SAMD5: variants seen among roughly 807,000 people sequenced by gnomAD.
SAMD5 encodes the protein sterile alpha motif domain-containing protein 5.
SAMD5 carries 13 observed loss-of-function variants against 11.3 expected under a neutral mutation model. The ratio of observed to expected loss-of-function variants is 1.15; its 90% CI spans 0.75 to 1.83. The LOEUF is 1.83. Among genes scored for constraint, SAMD5 ranks in the 40% most tolerant of loss-of-function variants. The pLI, the probability that SAMD5 is intolerant of heterozygous loss-of-function variation, is 0.00. For missense variants in SAMD5, 255 were observed against 239.1 expected (o/e 1.07, Z -0.44); for synonymous variants, 129 against 111.3 (o/e 1.16, Z -1.00).
the SAMD5 span, among the ~76,000 whole-genome samples, chr6:147,807,627 A>T: frequency 1.3e-5 from 2 of 152,182 alleles, no homozygotes; most frequent in Non-Finnish European, 2.9e-5. Flanking sequence ...CCCCACCCTC[A>T]TACTAAACAT....
the SAMD5 span, among the ~76,000 whole-genome samples, chr6:147,830,399 G>C: frequency 1.3e-5 from 2 of 151,560 alleles, no homozygotes; most frequent in Non-Finnish European, 2.9e-5. Context: ...TGGGATTACA[G>C]GTATGTACCA....
At chr6:147,899,359 T>A in the SAMD5 span, among the ~76,000 whole-genome samples, 1 of 151,962 alleles carries the variant, frequency 6.6e-6, no homozygotes, top group African/African-American at 2.4e-5. Flanking sequence ...GAGAAGATAA[T>A]TGTCAAGGTC....
intron 1 of SAMD5, chr6:147,733,658 C>T (rs1791752278): frequency 4.9e-6 from 1 of 205,826 alleles, no homozygotes; most frequent in African/African-American, 2.4e-5. Flanking sequence ...ACTTTATTCT[C>T]TCCTCCCTTA....
chr6:147,697,266 A>C (rs910128247), intron 1 of SAMD5, among the ~76,000 whole-genome samples: 1 of 152,206 alleles, frequency 6.6e-6, no homozygotes, highest in Non-Finnish European at 1.5e-5. Flanking sequence ...AAATCCATCT[A>C]GATTCATGGA....
intron 1 of SAMD5, among the ~76,000 whole-genome samples, chr6:147,660,303 A>G (rs1357626): frequency 0.4 from 60,408 of 152,032 alleles, 13,923 homozygotes; most frequent in Middle Eastern, 0.54. Context: ...TCTGTATGGT[A>G]ATGGCTTGTA....
At chr6:147,896,738 C>CAAAAAAAAAAAAAAAAAAAAAAAAACA in the SAMD5 span, among the ~76,000 whole-genome samples, 1 of 55,322 alleles carries the variant, frequency 1.8e-5, no homozygotes, top group Admixed American at 1.8e-4. Flanking sequence ...GAACATTAAC[C>CAAAAAAAAAAAAAAAAAAAAAAAAACA]AAAAAAAAAA....
chr6:147,936,307 G>A, the SAMD5 span, among the ~76,000 whole-genome samples: 5 of 152,038 alleles, frequency 3.3e-5, no homozygotes, highest in East Asian at 1.9e-4. Flanking sequence ...TAATTGGCTC[G>A]TGGTGGTTCT....
chr6:147,939,533 G>A, the SAMD5 span, among the ~76,000 whole-genome samples: 8 of 152,190 alleles, frequency 5.3e-5, no homozygotes, highest in African/African-American at 1.9e-4. Context: ...TTAGGAAGCT[G>A]TATGCCAGAA....
At chr6:147,523,286 A>G (rs1475903208) in intron 1 of SAMD5, among the ~76,000 whole-genome samples, 2 of 152,256 alleles carry the variant, frequency 1.3e-5, no homozygotes, top group African/African-American at 2.4e-5. Context: ...AAATTCTACA[A>G]GAAATATTAC....
At chr6:147,667,119 A>G (rs1024314051) in intron 1 of SAMD5, among the ~76,000 whole-genome samples, 30 of 152,152 alleles carry the variant, frequency 2.0e-4, no homozygotes, top group African/African-American at 7.2e-4. Flanking sequence ...GCCTGGTATG[A>G]AAGTGGTTGC....
At chr6:147,849,158 A>AT in the SAMD5 span, among the ~76,000 whole-genome samples, 52,802 of 140,574 alleles carry the variant, frequency 0.38, 10,391 homozygotes, top group South Asian at 0.46. Flanking sequence ...CTATATGTGA[A>AT]TTTTTTTTTT....
the SAMD5 span, among the ~76,000 whole-genome samples, chr6:147,871,289 T>C: frequency 6.6e-6 from 1 of 152,160 alleles, no homozygotes; most frequent in Non-Finnish European, 1.5e-5. Context: ...GAGTTACATA[T>C]GACAAATTTT....
At chr6:147,719,022 T>C (rs1166689532) in intron 1 of SAMD5, among the ~76,000 whole-genome samples, 2 of 152,178 alleles carry the variant, frequency 1.3e-5, no homozygotes, top group Non-Finnish European at 2.9e-5. Flanking sequence ...TAAATTCTCT[T>C]GTGGAAACAA....
chr6:147,697,298 A>G (rs1325365880), intron 1 of SAMD5, among the ~76,000 whole-genome samples: 1 of 152,180 alleles, frequency 6.6e-6, no homozygotes, highest in Non-Finnish European at 1.5e-5. Flanking sequence ...ACCTAAATAC[A>G]TGGAGAATTT....
chr6:147,893,671 A>G, the SAMD5 span, among the ~76,000 whole-genome samples: 1 of 152,140 alleles, frequency 6.6e-6, no homozygotes, highest in South Asian at 2.1e-4. Context: ...CCTGTTCTGT[A>G]CTGATACTTT....
intron 1 of SAMD5, among the ~76,000 whole-genome samples, chr6:147,616,411 C>A (rs898287293): frequency 6.6e-6 from 1 of 151,492 alleles, no homozygotes; most frequent in South Asian, 2.1e-4. Flanking sequence ...TGTTCCCCTC[C>A]CTCCCTCTTT....
Position 147,569,211 on chromosome 6 carries a change from ACT to A in SAMD5, c.*4758_*4759del, listed in dbSNP as rs1789094514. On this transcript the variant is annotated 3_prime_UTR_variant, in exon 2 of 2. Coordinates refer to ENST00000367474, the MANE Select transcript of SAMD5 (RefSeq NM_001030060.3). ...GCTCCAGCCTGGGCAACAGAGTGAG[ACT>A]CTGTCTAAAAAAAAAAAAAAAAGAA... is the stretch of plus-strand genomic sequence containing the variant. 1 of 271,362 alleles carries A rather than the reference ACT, an allele frequency of 3.7e-6. No individual in the cohort carries two copies. The allele number at this position is 271,362 out of a possible 1,614,324, so 16.8% of individuals were successfully genotyped here. A position where few individuals can be genotyped will look rare whatever the true frequency, so the allele number is the denominator to read the frequency against.
Position 147,585,338 on chromosome 6 carries a change from G to A in SAMD5, c.162+75951G>A, listed in dbSNP as rs572772222. 8.5e-5 allele frequency among the ~76,000 whole-genome samples: 13 copies of A among 152,226 alleles called. No homozygotes were observed. The East Asian group carries it at 2.1e-3, about 25-fold the overall frequency. On this transcript the variant is annotated intron_variant, in intron 1 of 1. Coordinates refer to the SAMD5 transcript ENST00000566741. ...AATGGAGACAGGAAAGGATGAGGCC[G>A]GTGACATTACAGCATGAGCCCCTGC...
chr6:147,901,885 T>A, the SAMD5 span, among the ~76,000 whole-genome samples: 2 of 152,210 alleles, frequency 1.3e-5, no homozygotes, highest in African/African-American at 4.8e-5. Context: ...TCCACTTCCT[T>A]AGTTTCCACC....
Sources: allele counts gnomAD v4.1 joint callset (sites outside exome capture counted in the v4.1 genomes callset), GRCh38; gene constraint gnomAD v4.1.1; transcripts MANE v1.5; gene names NCBI Gene and HGNC (gene_info 2026-07-23, HGNC 2026-07-21).